Variants in DRICH1 observed in about 807,000 individuals in gnomAD.
DRICH1 encodes the protein aspartate rich 1.
In DRICH1, 38 loss-of-function variants were observed where a neutral mutation model predicts 39.5. The ratio of observed to expected loss-of-function variants is 0.96; its 90% CI spans 0.74 to 1.26. DRICH1 has a LOEUF of 1.26. DRICH1 is among the 50% of genes most tolerant of loss of function. The pLI, the probability that DRICH1 is intolerant of heterozygous loss-of-function variation, is 0.00. For synonymous variants in DRICH1, 84 were observed against 99.5 expected, an observed-to-expected ratio of 0.84 and a Z score of 0.93; for missense variants, 279 against 270.4, an observed-to-expected ratio of 1.03 and a Z score of -0.22.
At chr22:23,610,908 T>C (rs2123760789) in intron 11 of DRICH1, among the ~76,000 whole-genome samples, 1 of 152,054 alleles carries the variant, frequency 6.6e-6, no homozygotes, top group Admixed American at 6.5e-5. Context: ...TTTTTTTTTT[T>C]TGAGACAGAG....
intron 1 of DRICH1, among the ~76,000 whole-genome samples, chr22:23,627,840 A>T (rs543272131): frequency 7.9e-5 from 12 of 152,208 alleles, no homozygotes; most frequent in African/African-American, 2.9e-4. Context: ...CTGAGAAGGG[A>T]ACATTTCCAC....
chr22:23,622,221 C>G, intron 3 of DRICH1, 45 bp from the exon 4 acceptor site: 2 of 1,561,200 alleles, frequency 1.3e-6, no homozygotes, highest in Non-Finnish European at 1.8e-6. Context: ...TTGATTGTGA[C>G]TGTGAGTCAC....
intron 3 of DRICH1, chr22:23,623,926 T>G: frequency 2.0e-6 from 2 of 977,232 alleles, no homozygotes; most frequent in Non-Finnish European, 2.4e-6. Flanking sequence ...ATGGTAAAAC[T>G]GCATATTCTC....
chr22:23,629,360 CTG>C (rs1330398891), intron 1 of DRICH1, among the ~76,000 whole-genome samples: 1 of 152,152 alleles, frequency 6.6e-6, no homozygotes, highest in Non-Finnish European at 1.5e-5. Context: ...TTTATTTGCA[CTG>C]TGTGTGCATC....
At chr22:23,613,581 A>G (rs1294509342) in intron 10 of DRICH1, 58 bp downstream of exon 10, 3 of 1,374,302 alleles carry the variant, frequency 2.2e-6, no homozygotes, top group Non-Finnish European at 3.1e-6. Context: ...TCAGGTTTCT[A>G]TACACTGAAG....
At chr22:23,596,427 T>C in the DRICH1 span, among the ~76,000 whole-genome samples, 1 of 150,042 alleles carries the variant, frequency 6.7e-6, no homozygotes. Flanking sequence ...CGTTTATTTT[T>C]ATTTTTATTT....
chr22:23,583,171 C>A, the DRICH1 span: 3 of 152,240 alleles, frequency 2.0e-5, no homozygotes, highest in Non-Finnish European at 4.4e-5. Flanking sequence ...GATGGAAGAT[C>A]TACTTCTTGC....
chr22:23,617,293 T>C (rs980289825), intron 7 of DRICH1, among the ~76,000 whole-genome samples: 1 of 152,172 alleles, frequency 6.6e-6, no homozygotes, highest in African/African-American at 2.4e-5. Flanking sequence ...TCAAAATTAA[T>C]TGAGAAGGGA....
In DRICH1 at chr22:23,613,259, T is replaced by C. The variant is rs374293160; in HGVS notation, c.685+30A>G. On this transcript the variant is annotated intron_variant, in intron 11 of 11. Coordinates refer to ENST00000317749, the MANE Select transcript of DRICH1 (RefSeq NM_016449.4). Reference sequence around the variant, plus strand: ...GGAGGCTCCTGGGAACCTTTTCCCATTGGGTTTTTGCTGGCACGTAGTTCC... The same window carrying C: ...GGAGGCTCCTGGGAACCTTTTCCCACTGGGTTTTTGCTGGCACGTAGTTCC... The C allele has an allele frequency of 4.4e-5, 70 of 1,592,546 alleles. 1 individual carries two copies. The African/African-American group carries it at 6.6e-4, about 15-fold the overall frequency.
intron 3 of DRICH1, chr22:23,624,440 T>C (rs774382902): frequency 1.4e-4 from 105 of 741,126 alleles, no homozygotes; most frequent in Non-Finnish European, 1.6e-4. Flanking sequence ...TCAGCTTCTA[T>C]TTACTTTTTC....
intron 11 of DRICH1, among the ~76,000 whole-genome samples, chr22:23,610,052 G>A (rs1926952789): frequency 6.6e-6 from 1 of 152,026 alleles, no homozygotes; most frequent in Non-Finnish European, 1.5e-5. Context: ...CTCTGGTTCT[G>A]AATCCCTGCA....
chr22:23,594,382 AAC>A, the DRICH1 span, among the ~76,000 whole-genome samples: 1 of 152,352 alleles, frequency 6.6e-6, no homozygotes, highest in East Asian at 1.9e-4. Flanking sequence ...CAGCCTGGTC[AAC>A]ACGGCAAAAC....
the DRICH1 span, among the ~76,000 whole-genome samples, chr22:23,582,555 C>T: frequency 2.1e-5 from 3 of 143,870 alleles, no homozygotes; most frequent in African/African-American, 7.8e-5. Context: ...CCTTCAGGGG[C>T]TTATTATTAT....
chr22:23,631,280 G>A (rs530658858), intron 1 of DRICH1, among the ~76,000 whole-genome samples: 122 of 152,040 alleles, frequency 8.0e-4, no homozygotes, highest in Non-Finnish European at 1.3e-3. Context: ...TTAGCCGGGC[G>A]TGGTAGTGGG....
chr22:23,584,997 G>T, the DRICH1 span, among the ~76,000 whole-genome samples: 4 of 152,054 alleles, frequency 2.6e-5, no homozygotes, highest in African/African-American at 7.2e-5. Context: ...TTTATGTGGT[G>T]GTCTCATCAT....
chr22:23,585,122 T>TCTTTCTCTCCTTCCTTCCCTC, the DRICH1 span, among the ~76,000 whole-genome samples: 1 of 152,134 alleles, frequency 6.6e-6, no homozygotes, highest in Non-Finnish European at 1.5e-5. Context: ...TCCTTTCCCT[T>TCTTTCTCTCCTTCCTTCCCTC]CTTTCTCTCC....
downstream of DRICH1, among the ~76,000 whole-genome samples, chr22:23,607,381 C>T (rs1277678772): frequency 6.6e-6 from 1 of 152,192 alleles, no homozygotes; most frequent in East Asian, 1.9e-4. Flanking sequence ...GGATCACAGT[C>T]TACATCCTGG....
the DRICH1 span, among the ~76,000 whole-genome samples, chr22:23,582,281 C>CT: frequency 0.02 from 2,855 of 143,662 alleles, 33 homozygotes; most frequent in African/African-American, 0.03. Context: ...CTGGCTTTTT[C>CT]TTTTTTTTTT....
At chr22:23,626,107 G>A (rs1389106650) in intron 1 of DRICH1, 59 bp from the exon 2 acceptor site, 1 of 1,250,004 alleles carries the variant, frequency 8.0e-7, no homozygotes, top group Non-Finnish European at 1.2e-6. Flanking sequence ...GAGTCCCTCA[G>A]GGAGCTTTGC....
Sources: allele counts gnomAD v4.1 joint callset (sites outside exome capture counted in the v4.1 genomes callset), GRCh38; gene constraint gnomAD v4.1.1; transcripts MANE v1.5; gene names NCBI Gene and HGNC (gene_info 2026-07-23, HGNC 2026-07-21).